The following CDH18 variants were observed in gnomAD, a reference collection of about 807,000 sequenced individuals.
CDH18 encodes cadherin-18.
A neutral mutation model predicts 67.9 loss-of-function variants in CDH18; 31 were observed. That is an observed-to-expected ratio of 0.46 (90% CI 0.34 to 0.62). The LOEUF (loss-of-function observed/expected upper bound fraction) is 0.62. CDH18 is among the 20% of genes least tolerant of loss of function. The pLI, the probability that CDH18 is intolerant of heterozygous loss-of-function variation, is 0.01. For missense variants in CDH18, 890 were observed against 975.5 expected (o/e 0.91, Z 1.17); for synonymous variants, 362 against 347.2 (o/e 1.04, Z -0.48).
rs193135971 is a variant in CDH18, at chr5:19,964,816, C to T, written c.-257+16244G>A. On this transcript the variant is annotated intron_variant, in intron 2 of 12. Coordinates refer to ENST00000382275, the MANE Select transcript of CDH18 (RefSeq NM_004934.5). ...GAAATACAAAACAATTTGAACAAAA[C>T]GACTATAGCAATGTTGGTAGTAGCA... Among the ~76,000 whole-genome samples, 360 of 151,962 alleles carry T rather than the reference C, an allele frequency of 2.4e-3. 2 individuals are homozygous for T. Among genetic ancestry groups the T allele is most frequent in the Middle Eastern group, 3.4e-3 (1 of 292 alleles).
intron 1 of CDH18, among the ~76,000 whole-genome samples, chr5:20,387,391 T>C (rs1484953259): frequency 1.3e-5 from 2 of 152,192 alleles, no homozygotes; most frequent in African/African-American, 2.4e-5. Flanking sequence ...TGTATAAGAA[T>C]GCTTGCGATT....
At chr5:19,850,042 TG>T (rs1783519395) in intron 2 of CDH18, among the ~76,000 whole-genome samples, 1 of 151,850 alleles carries the variant, frequency 6.6e-6, no homozygotes, top group African/African-American at 2.4e-5. Flanking sequence ...CCTTGTGTCA[TG>T]GCCTTTGAGA....
chr5:19,649,544 A>G (rs1292020296), intron 5 of CDH18, among the ~76,000 whole-genome samples: 1 of 152,008 alleles, frequency 6.6e-6, no homozygotes, highest in East Asian at 1.9e-4. Context: ...TTTGAATTCT[A>G]GCTGAGGTAA....
At chr5:19,753,171 C>A (rs1026562177) in intron 3 of CDH18, among the ~76,000 whole-genome samples, 6 of 151,988 alleles carry the variant, frequency 3.9e-5, no homozygotes, top group African/African-American at 1.2e-4. Flanking sequence ...GGATGCAAAC[C>A]AAGAAGAAAT....
chr5:19,859,131 G>T (rs925197175), intron 2 of CDH18, among the ~76,000 whole-genome samples: 1 of 152,164 alleles, frequency 6.6e-6, no homozygotes, highest in East Asian at 1.9e-4. Context: ...ACAACTGACC[G>T]ATGGATGCTC....
At chr5:20,406,836 T>C (rs1746311601) in intron 1 of CDH18, among the ~76,000 whole-genome samples, 1 of 152,142 alleles carries the variant, frequency 6.6e-6, no homozygotes, top group South Asian at 2.1e-4. Context: ...TTGTTAGAAA[T>C]ACATAAACTA....
intron 2 of CDH18, among the ~76,000 whole-genome samples, chr5:20,130,472 C>A (rs770595595): frequency 2.7e-5 from 4 of 150,294 alleles, no homozygotes; most frequent in Non-Finnish European, 4.4e-5. Flanking sequence ...AAATAATCTG[C>A]TTTATTCAGT....
chr5:20,471,218 C>G (rs1310475154), intron 1 of CDH18, among the ~76,000 whole-genome samples: 1 of 152,118 alleles, frequency 6.6e-6, no homozygotes, highest in Non-Finnish European at 1.5e-5. Context: ...CTTCCACTTT[C>G]TGTAAACTCA....
intron 2 of CDH18, among the ~76,000 whole-genome samples, chr5:19,975,305 T>C (rs1479686768): frequency 6.6e-6 from 1 of 152,124 alleles, no homozygotes; most frequent in Non-Finnish European, 1.5e-5. Flanking sequence ...TTTGCCAAAA[T>C]AATATACTTT....
At chr5:20,172,939 G>A (rs1464043630) in intron 2 of CDH18, among the ~76,000 whole-genome samples, 2 of 150,954 alleles carry the variant, frequency 1.3e-5, no homozygotes, top group African/African-American at 2.4e-5. Context: ...GCAGTGAGCC[G>A]AGATCGCACC....
rs1038959715 is a variant in CDH18, at chr5:19,874,247, C to T, written c.-256-35005G>A. 1.2e-4 allele frequency among the ~76,000 whole-genome samples: 19 copies of T among 152,286 alleles called. 1 individual carries two copies. In the Middle Eastern group the frequency reaches 0.01, roughly 82 times the overall value. On this transcript the variant is annotated intron_variant, in intron 2 of 12. Transcript: ENST00000382275. ...CTCTCTGACCTGGGAAATGCATTAT[C>T]AATTCAGAATGGCCTGTTCTGCACA...
chr5:20,527,138 AAAC>A (rs1756119407), intron 1 of CDH18, among the ~76,000 whole-genome samples: 1 of 152,122 alleles, frequency 6.6e-6, no homozygotes, highest in Non-Finnish European at 1.5e-5. Flanking sequence ...TAGCTGAACC[AAAC>A]AACTGGAAGA....
chr5:19,942,087 G>T (rs1794882795), intron 2 of CDH18, among the ~76,000 whole-genome samples: 1 of 152,050 alleles, frequency 6.6e-6, no homozygotes, highest in African/African-American at 2.4e-5. Context: ...AAGACCTAAA[G>T]AGCAGATAAA....
intron 6 of CDH18, among the ~76,000 whole-genome samples, chr5:19,593,424 T>C (rs1044474986): frequency 7.2e-5 from 11 of 152,122 alleles, no homozygotes; most frequent in East Asian, 5.8e-4. Context: ...ACTGGTGACA[T>C]TGAGCATCTT....
chr5:19,473,268 T>A lies in CDH18; in HGVS notation c.2331A>T (p.Leu777Phe). The A allele has an allele frequency of 6.2e-7, 1 of 1,613,734 alleles. No individual in the cohort carries two copies. Among genetic ancestry groups the A allele is most frequent in the Admixed American group, 1.7e-5 (1 of 59,940 alleles). Residue 777 changes from leucine (L) to phenylalanine (F), a missense_variant, in exon 13 of 13, where the codon TTA becomes TTT. Leu to Phe is a conservative substitution (Grantham distance 22). Around this residue, in one of 2 missense-constraint regions of CDH18, gnomAD observed 656 missense variants for 668.1 expected, o/e 0.98. Transcript: ENST00000382275. Reference sequence around the variant, plus strand: ...ATTCTATTTCTCCATAGAGTTCAGCTAACTTTTTAAACTCGGGTCCCCAGT... The same window carrying A: ...ATTCTATTTCTCCATAGAGTTCAGCAAACTTTTTAAACTCGGGTCCCCAGT... ...LGDWGPEFKKLAELYGEIESE... is the reference protein window; with the variant it reads ...LGDWGPEFKKFAELYGEIESE...
chr5:19,996,899 T>G lies in CDH18; in HGVS notation c.-517-4885A>C, dbSNP rs975345278. ...ATATATATACATACATACATGAATA[T>G]ATGTACACCTGACTAGATTTATTCA... On this transcript the variant is annotated intron_variant, in intron 2 of 14. Coordinates refer to the CDH18 transcript ENST00000507958. 3.9e-5 allele frequency among the ~76,000 whole-genome samples: 6 copies of G among 152,138 alleles called. No individual in the cohort carries two copies. In the South Asian group the frequency reaches 1.2e-3, roughly 32 times the overall value.
At chr5:20,351,467 G>T (rs922581689) in intron 1 of CDH18, among the ~76,000 whole-genome samples, 3 of 152,102 alleles carry the variant, frequency 2.0e-5, no homozygotes, top group Non-Finnish European at 4.4e-5. Flanking sequence ...AGATCATCTG[G>T]CAGAGGCTGA....
At chr5:20,518,784 T>A (rs1015899335) in intron 1 of CDH18, among the ~76,000 whole-genome samples, 1 of 152,174 alleles carries the variant, frequency 6.6e-6, no homozygotes, top group South Asian at 2.1e-4. Context: ...CCAAAATCCA[T>A]ATGCAGCAAG....
intron 1 of CDH18, among the ~76,000 whole-genome samples, chr5:20,335,137 C>CA (rs762267260): frequency 2.0e-5 from 3 of 152,044 alleles, no homozygotes; most frequent in Non-Finnish European, 4.4e-5. Flanking sequence ...AAAGCCCCTA[C>CA]AAGGCTTCCT....
Sources: gnomAD v4.1 joint callset for allele counts (sites outside exome capture counted in the v4.1 genomes callset) on GRCh38, gnomAD v4.1.1 for gene constraint, gnomAD v4.1.1 regional missense constraint, MANE v1.5 for transcripts, NCBI Gene and HGNC (gene_info 2026-07-23, HGNC 2026-07-21) for gene names.